Variants in NKAIN2 observed in about 807,000 individuals in gnomAD.
NKAIN2 encodes the protein sodium/potassium-transporting ATPase subunit beta-1-interacting protein 2.
In NKAIN2, 14 loss-of-function variants were observed where a neutral mutation model predicts 32.6. That is an observed-to-expected ratio of 0.43 (90% CI 0.28 to 0.67). NKAIN2 has a LOEUF of 0.67. NKAIN2 is among the 30% of genes least tolerant of loss of function. The pLI is 0.17. For missense variants in NKAIN2, 198 were observed against 258.3 expected (o/e 0.77, Z 1.60); for synonymous variants, 80 against 87.2 (o/e 0.92, Z 0.46).
At chr6:123,811,133 A>G (rs961616119) in intron 1 of NKAIN2, among the ~76,000 whole-genome samples, 1 of 152,188 alleles carries the variant, frequency 6.6e-6, no homozygotes, top group African/African-American at 2.4e-5. Flanking sequence ...CTTCAATCCA[A>G]CTAGATAATT....
At chr6:124,667,839 G>A (rs1333001918) in intron 4 of NKAIN2, among the ~76,000 whole-genome samples, 1 of 152,034 alleles carries the variant, frequency 6.6e-6, no homozygotes, top group East Asian at 1.9e-4. Flanking sequence ...ACACACTTAA[G>A]CTAAATAATT....
intron 4 of NKAIN2, among the ~76,000 whole-genome samples, chr6:124,766,456 C>T (rs1240686190): frequency 6.6e-6 from 1 of 152,192 alleles, no homozygotes; most frequent in Admixed American, 6.5e-5. Context: ...GTCCCTTCCA[C>T]GCACCCTCTC....
intron 4 of NKAIN2, among the ~76,000 whole-genome samples, chr6:124,759,198 A>ATGTAATCT (rs1164258067): frequency 1.1e-4 from 16 of 152,140 alleles, no homozygotes; most frequent in Admixed American, 1.0e-3. Flanking sequence ...CAGATCATCT[A>ATGTAATCT]TGTAATCTTG....
intron 1 of NKAIN2, among the ~76,000 whole-genome samples, chr6:124,126,254 C>T (rs2114997385): frequency 6.6e-6 from 1 of 152,280 alleles, no homozygotes; most frequent in East Asian, 1.9e-4. Flanking sequence ...GGAATCTAAT[C>T]CTATCATGTT....
chr6:124,806,197 C>T (rs1208774658), intron 5 of NKAIN2, among the ~76,000 whole-genome samples: 1 of 151,972 alleles, frequency 6.6e-6, no homozygotes, highest in East Asian at 1.9e-4. Flanking sequence ...TCAGATTCAC[C>T]AAAGTTGAAA....
At chr6:124,625,648 T>C (rs1783293023) in intron 3 of NKAIN2, among the ~76,000 whole-genome samples, 1 of 152,156 alleles carries the variant, frequency 6.6e-6, no homozygotes, top group Non-Finnish European at 1.5e-5. Flanking sequence ...AAAGTTATTA[T>C]GAAAGGAGGA....
At chr6:124,342,956 T>C (rs1023506405) in intron 2 of NKAIN2, among the ~76,000 whole-genome samples, 2 of 151,200 alleles carry the variant, frequency 1.3e-5, no homozygotes, top group African/African-American at 4.9e-5. Context: ...GCATTAGCTA[T>C]ATCTCCTAAT....
intron 3 of NKAIN2, among the ~76,000 whole-genome samples, chr6:124,484,124 G>T (rs1777561653): frequency 6.6e-6 from 1 of 152,162 alleles, no homozygotes; most frequent in Non-Finnish European, 1.5e-5. Context: ...TGGACTGGAT[G>T]CAAGTTTTTG....
At chr6:124,440,303 C>G (rs590944) in intron 3 of NKAIN2, among the ~76,000 whole-genome samples, 1 of 151,806 alleles carries the variant, frequency 6.6e-6, no homozygotes, top group East Asian at 1.9e-4. Context: ...TCTACTGGTC[C>G]TCTTTTACCT....
At chr6:123,926,573 C>T (rs1326492190) in intron 1 of NKAIN2, among the ~76,000 whole-genome samples, 3 of 151,566 alleles carry the variant, frequency 2.0e-5, no homozygotes, top group Non-Finnish European at 4.4e-5. Flanking sequence ...CCTGCTGCAG[C>T]GCTACTTTTC....
intron 2 of NKAIN2, among the ~76,000 whole-genome samples, chr6:124,349,210 AG>A (rs959957089): frequency 3.3e-5 from 5 of 152,024 alleles, no homozygotes; most frequent in African/African-American, 1.2e-4. Context: ...CCCTCAGCAA[AG>A]CAAGAGAGTC....
chr6:124,454,116 G>C (rs13220355), intron 3 of NKAIN2, among the ~76,000 whole-genome samples: 3 of 138,578 alleles, frequency 2.2e-5, no homozygotes, highest in Admixed American at 7.2e-5. Context: ...TGGGGGGGGG[G>C]GTTGCTGGTT....
At chr6:124,122,448 G>A (rs184592323) in intron 1 of NKAIN2, among the ~76,000 whole-genome samples, 48 of 152,140 alleles carry the variant, frequency 3.2e-4, no homozygotes, top group African/African-American at 1.1e-3. Context: ...TCAGAGAGGA[G>A]AGTTTTATAG....
At chr6:124,592,986 T>G (rs1781964689) in intron 3 of NKAIN2, among the ~76,000 whole-genome samples, 1 of 152,182 alleles carries the variant, frequency 6.6e-6, no homozygotes, top group Non-Finnish European at 1.5e-5. Context: ...AACAAATCAT[T>G]GTAATCTTCC....
chr6:123,892,251 A>C (rs1410458825), intron 1 of NKAIN2, among the ~76,000 whole-genome samples: 1 of 152,154 alleles, frequency 6.6e-6, no homozygotes, highest in Non-Finnish European at 1.5e-5. Flanking sequence ...CTGCTAACAA[A>C]ACATGATTCA....
chr6:124,375,645 A>C (rs1461621789), intron 3 of NKAIN2, among the ~76,000 whole-genome samples: 1 of 151,960 alleles, frequency 6.6e-6, no homozygotes, highest in African/African-American at 2.4e-5. Flanking sequence ...ACAAAAACTG[A>C]GGTAGAGCAG....
intron 3 of NKAIN2, among the ~76,000 whole-genome samples, chr6:124,509,046 C>T (rs952712598): frequency 1.3e-5 from 2 of 152,060 alleles, no homozygotes; most frequent in Admixed American, 6.6e-5. Flanking sequence ...CTTAGGACTT[C>T]GATATATCTT....
chr6:124,445,999 G>C (rs9491180), intron 3 of NKAIN2, among the ~76,000 whole-genome samples: 2 of 151,960 alleles, frequency 1.3e-5, no homozygotes, highest in Non-Finnish European at 2.9e-5. Context: ...CTTCAAAATG[G>C]GGGAGCGGGA....
At chr6:124,764,577 A>G (rs1017553289) in intron 4 of NKAIN2, among the ~76,000 whole-genome samples, 1 of 152,140 alleles carries the variant, frequency 6.6e-6, no homozygotes, top group African/African-American at 2.4e-5. Context: ...AGGAGTCTAT[A>G]GTATTACTCC....
Sources: gnomAD v4.1 joint callset for allele counts (sites outside exome capture counted in the v4.1 genomes callset) on GRCh38, gnomAD v4.1.1 for gene constraint, MANE v1.5 for transcripts, NCBI Gene and HGNC (gene_info 2026-07-23, HGNC 2026-07-21) for gene names.